The following EPHA8 variants were observed in gnomAD, a reference collection of about 807,000 sequenced individuals.
EPHA8 encodes the protein ephrin type-A receptor 8.
In EPHA8, 58 loss-of-function variants were observed where a neutral mutation model predicts 103.6. The observed-to-expected ratio is 0.56, with a 90% confidence interval of 0.45 to 0.70. The LOEUF is 0.70. Among genes scored for constraint, EPHA8 ranks in the 30% least tolerant of loss-of-function variants. The pLI, the probability that EPHA8 is intolerant of heterozygous loss-of-function variation, is 0.00. For synonymous variants in EPHA8, 559 were observed against 572.5 expected, an observed-to-expected ratio of 0.98 and a Z score of 0.34; for missense variants, 1,304 against 1,395.2, an observed-to-expected ratio of 0.93 and a Z score of 1.04.
At chr1:22,580,267 T>C (rs546147829) in intron 3 of EPHA8, among the ~76,000 whole-genome samples, 4 of 150,934 alleles carry the variant, frequency 2.7e-5, no homozygotes, top group African/African-American at 9.7e-5. Context: ...GCCTCCCGAG[T>C]AGCTAGAATT....
Position 22,601,843 on chromosome 1 carries a change from CT to C in EPHA8, c.*103del. 1 of 1,109,430 alleles carries C rather than the reference CT, an allele frequency of 9.0e-7. No individual in the cohort carries two copies. 68.7% of individuals were successfully genotyped at this position (1,109,430 alleles called of 1,614,324 possible). A position where few individuals can be genotyped will look rare whatever the true frequency, so the allele number is the denominator to read the frequency against. ...CAGCAGGCAGGGCGGCCCCAGGCCT[CT>C]GCCCTCCTCTCAGGTGCTGGAGGAG... On this transcript the variant is annotated 3_prime_UTR_variant, in exon 17 of 17. Coordinates refer to ENST00000166244, the MANE Select transcript of EPHA8 (RefSeq NM_020526.5).
At chr1:22,579,366 T>C (rs1399560751) in intron 3 of EPHA8, among the ~76,000 whole-genome samples, 1 of 151,110 alleles carries the variant, frequency 6.6e-6, no homozygotes, top group African/African-American at 2.5e-5. Flanking sequence ...TGTGTGTATG[T>C]GTGCATGAGT....
intron 3 of EPHA8, among the ~76,000 whole-genome samples, chr1:22,580,164 G>A (rs1283855863): frequency 2.1e-5 from 2 of 93,648 alleles, no homozygotes; most frequent in African/African-American, 9.9e-5. Context: ...TGGAGACGGA[G>A]TTTTCACTTT....
At chr1:22,572,916 G>A (rs958974936) in intron 2 of EPHA8, among the ~76,000 whole-genome samples, 3 of 152,220 alleles carry the variant, frequency 2.0e-5, no homozygotes, top group Admixed American at 6.5e-5. Flanking sequence ...AGCAGCTCCC[G>A]GGGCTGGCAG....
intron 3 of EPHA8, among the ~76,000 whole-genome samples, chr1:22,581,130 G>A (rs1309126522): frequency 6.6e-6 from 1 of 152,146 alleles, no homozygotes; most frequent in Non-Finnish European, 1.5e-5. Flanking sequence ...TTACTGATAA[G>A]AAAAACTGAG....
rs776068958 is a variant in EPHA8 at position 22,588,938 on chromosome 1, C to T, written c.1047C>T (p.Ala349=). The change falls in exon 5 of 17, where the codon GCC becomes GCT. Residue 349 remains alanine, a synonymous_variant. Transcript: ENST00000166244. The part of the protein sequence containing the change: ...VNGTSVTLEW[A]PPLDPGGRSD... ...GGACATCAGTGACTCTGGAGTGGGC[C>T]CCTCCCCTGGACCCAGGTGGCCGCA... 2 of 1,611,636 alleles carry T rather than the reference C, an allele frequency of 1.2e-6. No individual in the cohort carries two copies. Among genetic ancestry groups the T allele is most frequent in the East Asian group, 4.5e-5 (2 of 44,874 alleles).
chr1:22,601,508 T>TG lies in EPHA8; in HGVS notation c.2903+40dup, dbSNP rs762275608. 1.2e-5 allele frequency: 18 copies of TG among 1,481,608 alleles called. No homozygotes were observed. In the Middle Eastern group the frequency reaches 1.6e-3, roughly 129 times the overall value. The allele number at this position is 1,481,608 out of a possible 1,614,324, so 91.8% of individuals were successfully genotyped here. A position where few individuals can be genotyped will look rare whatever the true frequency, so the allele number is the denominator to read the frequency against. On this transcript the variant is annotated intron_variant, in intron 16 of 16. Transcript: ENST00000166244. ...GGGTGGGGCTGGGGCCCCATGCGTG[T>TG]GGGGGCAGGGGGGGGGACCCCTGCC...
intron 3 of EPHA8, among the ~76,000 whole-genome samples, chr1:22,578,350 ATGTG>A (rs1472136524): frequency 1.5e-5 from 2 of 135,248 alleles, no homozygotes; most frequent in East Asian, 2.5e-4. Flanking sequence ...GCATGTGTGT[ATGTG>A]TGCGTGCATG....
Position 22,598,154 on chromosome 1 carries a change from G to T in EPHA8, c.2120G>T (p.Arg707Leu). The T allele has an allele frequency of 1.9e-6, 3 of 1,613,378 alleles. No homozygotes were observed. The highest frequency in any genetic ancestry group is 1.7e-6 in the Non-Finnish European group (2 of 1,179,942). The stretch of plus-strand genomic sequence containing the variant: ...CCTCTCCCTACTGCCCGCCCAGGCC[G>T]CCTGGCAATGATTGTGACTGAGTAC... ...IRLEGVVTRGRLAMIVTEYME... is the reference protein window; with the variant it reads ...IRLEGVVTRGLLAMIVTEYME... The change falls in exon 12 of 17, where the codon CGC becomes CTC. Residue 707 changes from arginine (R) to leucine (L), a missense_variant. Physicochemically the swap from Arg to Leu is moderately radical, Grantham distance 102 (BLOSUM62 -2). Coordinates refer to ENST00000166244, the MANE Select transcript of EPHA8 (RefSeq NM_020526.5). The surrounding 1 kb of genome is among the most constrained non-coding windows in gnomAD (Gnocchi z 5.1).
At chr1:22,564,412 G>A (rs965073243) in intron 1 of EPHA8, among the ~76,000 whole-genome samples, 1 of 151,550 alleles carries the variant, frequency 6.6e-6, no homozygotes, top group Non-Finnish European at 1.5e-5. Flanking sequence ...CGTGGGCAGC[G>A]GGAGCGGCTT....
At chr1:22,591,759 G>A (rs780147575) in intron 5 of EPHA8, among the ~76,000 whole-genome samples, 5 of 152,196 alleles carry the variant, frequency 3.3e-5, no homozygotes, top group Non-Finnish European at 5.9e-5. Context: ...CTGCTAGGCC[G>A]TGGCCTGGCT....
chr1:22,579,313 GTA>G (rs1341541622), intron 3 of EPHA8, among the ~76,000 whole-genome samples: 2 of 151,434 alleles, frequency 1.3e-5, no homozygotes, highest in Non-Finnish European at 1.5e-5. Context: ...GTACATGAGT[GTA>G]TATATGCATG....
Position 22,601,828 on chromosome 1 carries a change from G to A in EPHA8, c.*87G>A, listed in dbSNP as rs1641745954. On this transcript the variant is annotated 3_prime_UTR_variant, in exon 17 of 17. Transcript: ENST00000166244. ...GACGTGAGGGGCTGGCAGCAGGCAG[G>A]GCGGCCCCAGGCCTCTGCCCTCCTC... 1.6e-6 allele frequency: 2 copies of A among 1,262,664 alleles called. No homozygotes were observed. Among genetic ancestry groups the A allele is most frequent in the Non-Finnish European group, 2.2e-6 (2 of 902,572 alleles). The allele number at this position is 1,262,664 out of a possible 1,614,324, so 78.2% of individuals were successfully genotyped here.
At chr1:22,579,361 GTA>G (rs369034826) in intron 3 of EPHA8, among the ~76,000 whole-genome samples, 5,228 of 142,958 alleles carry the variant, frequency 0.037, 316 homozygotes, top group African/African-American at 0.15. Flanking sequence ...ATGCGTGTGT[GTA>G]TGTGTGCATG....
intron 3 of EPHA8, among the ~76,000 whole-genome samples, chr1:22,580,030 GC>G (rs1640998304): frequency 6.6e-6 from 1 of 151,978 alleles, no homozygotes; most frequent in Admixed American, 6.6e-5. Flanking sequence ...CCACTTAGGA[GC>G]CGTCTTGCCC....
At chr1:22,578,372 G>C (rs1377460434) in intron 3 of EPHA8, among the ~76,000 whole-genome samples, 1 of 146,118 alleles carries the variant, frequency 6.8e-6, no homozygotes, top group Non-Finnish European at 1.5e-5. Context: ...ATGTGTGCGT[G>C]CTTTAGTATA....
rs1235063910 is a variant in EPHA8 at position 22,601,650 on chromosome 1, C to A, written c.2927C>A (p.Thr976Asn). The A allele has an allele frequency of 6.3e-7, 1 of 1,594,268 alleles. No individual in the cohort carries two copies. Among genetic ancestry groups the A allele is most frequent in the Admixed American group, 1.7e-5 (1 of 58,374 alleles). Residue 976 changes from threonine to asparagine, a missense_variant, in exon 17 of 17, where the codon ACC becomes AAC. Physicochemically the swap from Thr to Asn is moderately conservative, Grantham distance 65. Coordinates refer to ENST00000166244, the MANE Select transcript of EPHA8 (RefSeq NM_020526.5). The part of the protein sequence containing the change: ...NAQDVRALGI[T>N]LMGHQKKILG... The stretch of plus-strand genomic sequence containing the variant: ...AGGGACGTGCGCGCCCTGGGCATCA[C>A]CCTCATGGGCCACCAGAAGAAGATC...
At chr1:22,590,050 A>G (rs55780576) in intron 5 of EPHA8, among the ~76,000 whole-genome samples, 3,475 of 152,142 alleles carry the variant, frequency 0.023, 125 homozygotes, top group African/African-American at 0.078. Flanking sequence ...AGGTCCCCCC[A>G]CTCTGAATCT....
chr1:22,571,190 T>C (rs1569951617), intron 2 of EPHA8, among the ~76,000 whole-genome samples: 1 of 151,238 alleles, frequency 6.6e-6, no homozygotes, highest in Admixed American at 6.6e-5. Context: ...CAGTCTCAGG[T>C]GGGTTTTCAT....
Sources: gnomAD v4.1 joint callset for allele counts (sites outside exome capture counted in the v4.1 genomes callset) on GRCh38, gnomAD v4.1.1 for gene constraint, Gnocchi (gnomAD v3.1) non-coding constraint, MANE v1.5 for transcripts, NCBI Gene and HGNC (gene_info 2026-07-23, HGNC 2026-07-21) for gene names.